The following SSBP2 variants were observed in gnomAD, a reference collection of about 807,000 sequenced individuals.
SSBP2 encodes the protein single-stranded DNA-binding protein 2.
A neutral mutation model predicts 61.8 loss-of-function variants in SSBP2; 17 were observed. That is an observed-to-expected ratio of 0.28 (90% CI 0.19 to 0.41). The LOEUF (loss-of-function observed/expected upper bound fraction) is 0.41, where lower values mean the gene tolerates loss of function less well. Among genes scored for constraint, SSBP2 ranks in the 10% least tolerant of loss-of-function variants. SSBP2 has a pLI of 1.00. For missense variants in SSBP2, 310 were observed against 458.7 expected (o/e 0.68, Z 2.96); for synonymous variants, 139 against 141.3 (o/e 0.98, Z 0.12).
intron 3 of SSBP2, among the ~76,000 whole-genome samples, chr5:81,622,663 A>G (rs1237564323): frequency 6.6e-6 from 1 of 152,224 alleles, no homozygotes; most frequent in Non-Finnish European, 1.5e-5. Context: ...ATGCATATAT[A>G]TTTTTAAGGC....
Position 81,428,876 on chromosome 5 carries a change from T to A in SSBP2, c.958-193A>T, listed in dbSNP as rs201705967. ...ACTAATGCCTTCCCAAATGAAAATTTAAAAAAAAATAAAAAAACCCCCAAT... is the reference window on the plus strand; with the variant it reads ...ACTAATGCCTTCCCAAATGAAAATTAAAAAAAAAATAAAAAAACCCCCAAT... On this transcript the variant is annotated intron_variant, in intron 15 of 16. Coordinates refer to ENST00000320672, the MANE Select transcript of SSBP2 (RefSeq NM_012446.5). Among the ~76,000 whole-genome samples, 544 of 151,338 alleles carry A rather than the reference T, an allele frequency of 3.6e-3. 5 individuals carry two copies. Among genetic ancestry groups the A allele is most frequent in the East Asian group, 0.018 (92 of 5,162 alleles).
intron 4 of SSBP2, among the ~76,000 whole-genome samples, chr5:81,518,075 T>C (rs961463106): frequency 2.6e-5 from 4 of 152,118 alleles, no homozygotes; most frequent in African/African-American, 9.7e-5. Flanking sequence ...ACTGTTTGCC[T>C]AATTATACAG....
chr5:81,501,275 A>ACC (rs1767735547), intron 5 of SSBP2, among the ~76,000 whole-genome samples: 7 of 121,002 alleles, frequency 5.8e-5, no homozygotes, highest in Non-Finnish European at 1.1e-4. Context: ...ATATACACAC[A>ACC]CACACACATG....
At chr5:81,550,656 C>T (rs1005373657) in intron 4 of SSBP2, among the ~76,000 whole-genome samples, 3 of 152,148 alleles carry the variant, frequency 2.0e-5, no homozygotes, top group Admixed American at 2.0e-4. Flanking sequence ...CACAACATGT[C>T]AACAACTCTC....
At chr5:81,592,942 C>A (rs1274473266) in intron 4 of SSBP2, among the ~76,000 whole-genome samples, 1 of 152,192 alleles carries the variant, frequency 6.6e-6, no homozygotes, top group African/African-American at 2.4e-5. Flanking sequence ...GCCTCTCCTC[C>A]TCCAAAGGAA....
chr5:81,441,814 T>A (rs1489758118), intron 13 of SSBP2, among the ~76,000 whole-genome samples: 1 of 152,224 alleles, frequency 6.6e-6, no homozygotes, highest in African/African-American at 2.4e-5. Flanking sequence ...ATAAGGCATA[T>A]ATAAGTCAAA....
intron 4 of SSBP2, among the ~76,000 whole-genome samples, chr5:81,613,366 G>C (rs535901637): frequency 2.8e-4 from 43 of 152,062 alleles, no homozygotes; most frequent in Non-Finnish European, 5.6e-4. Context: ...TCTGGCTAAT[G>C]CTCATTTCCA....
At chr5:81,516,187 T>C (rs1272105038) in intron 4 of SSBP2, among the ~76,000 whole-genome samples, 1 of 151,970 alleles carries the variant, frequency 6.6e-6, no homozygotes, top group Non-Finnish European at 1.5e-5. Flanking sequence ...AATGAATGAA[T>C]CCAGTTACAG....
At chr5:81,636,151 A>G (rs1234956939) in intron 3 of SSBP2, among the ~76,000 whole-genome samples, 6 of 152,204 alleles carry the variant, frequency 3.9e-5, no homozygotes, top group African/African-American at 1.4e-4. Flanking sequence ...GTAAGGACAC[A>G]GTGAAAAGGT....
intron 4 of SSBP2, among the ~76,000 whole-genome samples, chr5:81,611,169 A>T (rs529463443): frequency 6.6e-6 from 1 of 152,330 alleles, no homozygotes; most frequent in East Asian, 1.9e-4. Flanking sequence ...TTATTTATTT[A>T]AAAAAGATAT....
At chr5:81,596,015 G>C (rs1053123650) in intron 4 of SSBP2, among the ~76,000 whole-genome samples, 11 of 152,250 alleles carry the variant, frequency 7.2e-5, no homozygotes, top group African/African-American at 1.9e-4. Flanking sequence ...AGGAAATAAA[G>C]GGTATTCAAT....
chr5:81,524,295 A>C (rs1580914721), intron 4 of SSBP2, among the ~76,000 whole-genome samples: 2 of 152,128 alleles, frequency 1.3e-5, no homozygotes, highest in African/African-American at 4.8e-5. Flanking sequence ...GAACTTAAAT[A>C]AGCTTGAAAG....
At chr5:81,721,721 CAG>C (rs1755553421) in intron 1 of SSBP2, among the ~76,000 whole-genome samples, 1 of 152,126 alleles carries the variant, frequency 6.6e-6, no homozygotes, top group Non-Finnish European at 1.5e-5. Context: ...TCTAAAACAA[CAG>C]AACTCTCTAA....
chr5:81,622,206 GA>G (rs995126565), intron 3 of SSBP2, among the ~76,000 whole-genome samples: 27 of 151,662 alleles, frequency 1.8e-4, no homozygotes, highest in African/African-American at 5.8e-4. Flanking sequence ...GACTGGGGGG[GA>G]AAAATTATGC....
chr5:81,731,030 T>C (rs1053768220), intron 1 of SSBP2, among the ~76,000 whole-genome samples: 52 of 152,208 alleles, frequency 3.4e-4, no homozygotes, highest in African/African-American at 1.2e-3. Context: ...CCAGAACTTT[T>C]CCATCCTGCA....
chr5:81,458,208 A>T (rs985718529), intron 10 of SSBP2, among the ~76,000 whole-genome samples: 1 of 152,158 alleles, frequency 6.6e-6, no homozygotes, highest in Admixed American at 6.5e-5. Flanking sequence ...GTAAATTGGG[A>T]TTTTCTTTTG....
intron 1 of SSBP2, among the ~76,000 whole-genome samples, chr5:81,651,876 T>C (rs559194666): frequency 6.6e-6 from 1 of 152,228 alleles, no homozygotes; most frequent in Admixed American, 6.5e-5. Context: ...TGATGGCAAA[T>C]TGTATCTTGG....
At chr5:81,728,284 A>T (rs929968968) in intron 1 of SSBP2, among the ~76,000 whole-genome samples, 3 of 152,216 alleles carry the variant, frequency 2.0e-5, no homozygotes, top group African/African-American at 7.2e-5. Flanking sequence ...TTCCATTTCA[A>T]AACAAAAACG....
chr5:81,493,268 A>AGAT (rs1767009580), intron 5 of SSBP2, among the ~76,000 whole-genome samples: 1 of 145,664 alleles, frequency 6.9e-6, no homozygotes, highest in African/African-American at 2.8e-5. Context: ...ATAGATAGAT[A>AGAT]GATAGATAGA....
Sources: allele counts gnomAD v4.1 joint callset (sites outside exome capture counted in the v4.1 genomes callset), GRCh38; gene constraint gnomAD v4.1.1; transcripts MANE v1.5; gene names NCBI Gene and HGNC (gene_info 2026-07-23, HGNC 2026-07-21).